The following PPP1R12A variants were observed in gnomAD, a reference collection of about 807,000 sequenced individuals.
PPP1R12A encodes protein phosphatase 1 regulatory subunit 12A, also known as myosin binding subunit.
In PPP1R12A, 19 loss-of-function variants were observed where a neutral mutation model predicts 139.6. That is an observed-to-expected ratio of 0.14 (90% CI 0.09 to 0.20). The LOEUF (loss-of-function observed/expected upper bound fraction) is 0.20. Among genes scored for constraint, PPP1R12A ranks in the 10% least tolerant of loss-of-function variants. PPP1R12A has a pLI of 1.00. For synonymous variants in PPP1R12A, 427 were observed against 420.6 expected, an observed-to-expected ratio of 1.02 and a Z score of -0.19; for missense variants, 925 against 1,211.5, an observed-to-expected ratio of 0.76 and a Z score of 3.51.
rs555107695 is a variant in PPP1R12A at position 79,821,111 on chromosome 12, A to G, written c.923T>C (p.Met308Thr). 3.1e-6 allele frequency: 5 copies of G among 1,613,158 alleles called. No homozygotes were observed. Among genetic ancestry groups the G allele is most frequent in the East Asian group, 2.2e-5 (1 of 44,800 alleles). Residue 308 changes from methionine to threonine, a missense_variant, in exon 7 of 25, where the codon ATG becomes ACG. Around this residue, in one of 4 missense-constraint regions of PPP1R12A, gnomAD observed 403 missense variants for 463.7 expected, o/e 0.87. Transcript: ENST00000450142. ...KSPLIESTAN[M>T]DNNQSQKTFK... ...GGTCTTCTGTGACTGATTATTGTCC[A>G]TATTTGCTGTTGATTCAATTAGTGG...
chr12:79,837,893 G>A lies in PPP1R12A; in HGVS notation c.488-5402C>T, dbSNP rs576620577. Among the ~76,000 whole-genome samples, 262 of 152,192 alleles carry A rather than the reference G, an allele frequency of 1.7e-3. 3 individuals are homozygous for A. Among genetic ancestry groups the A allele is most frequent in the African/African-American group, 5.5e-3 (228 of 41,506 alleles). On this transcript the variant is annotated intron_variant, in intron 3 of 24. Transcript: ENST00000450142. ...TTTCCTTTATAAATTACCCACTCTC[G>A]GGTACTTTTTCATAGCAGCATGAGA... is the stretch of plus-strand genomic sequence containing the variant.
intron 1 of PPP1R12A, among the ~76,000 whole-genome samples, chr12:79,907,550 TCTACA>T (rs1886229212): frequency 1.3e-5 from 2 of 152,216 alleles, no homozygotes; most frequent in South Asian, 4.1e-4. Flanking sequence ...GAAAGTTCAC[TCTACA>T]ATTGCCTACT....
chr12:79,931,516 C>G (rs1888251218), intron 1 of PPP1R12A, among the ~76,000 whole-genome samples: 1 of 152,162 alleles, frequency 6.6e-6, no homozygotes, highest in South Asian at 2.1e-4. Context: ...AGAAAAATCT[C>G]AGCCCTGTAT....
chr12:79,863,651 A>G (rs1346945367), intron 2 of PPP1R12A, among the ~76,000 whole-genome samples: 1 of 142,542 alleles, frequency 7.0e-6, no homozygotes, highest in East Asian at 2.0e-4. Flanking sequence ...AAGCAAAAAA[A>G]AAAAAAAAAA....
At chr12:79,795,018 T>G (rs1452485043) in intron 18 of PPP1R12A, among the ~76,000 whole-genome samples, 1 of 152,096 alleles carries the variant, frequency 6.6e-6, no homozygotes, top group Non-Finnish European at 1.5e-5. Flanking sequence ...TTATTCATCA[T>G]TCTGAGTGGT....
At chr12:79,905,701 T>C (rs1220078315) in intron 1 of PPP1R12A, among the ~76,000 whole-genome samples, 2 of 152,232 alleles carry the variant, frequency 1.3e-5, no homozygotes, top group Non-Finnish European at 1.5e-5. Flanking sequence ...TCTTAACCCA[T>C]GTATGTATTT....
intron 1 of PPP1R12A, among the ~76,000 whole-genome samples, chr12:79,898,899 T>A (rs1028547942): frequency 6.6e-6 from 1 of 152,212 alleles, no homozygotes; most frequent in African/African-American, 2.4e-5. Context: ...TTCCTTATGC[T>A]ACCTTCCATA....
intron 2 of PPP1R12A, among the ~76,000 whole-genome samples, chr12:79,871,123 G>C (rs1477109086): frequency 6.6e-6 from 1 of 152,148 alleles, no homozygotes; most frequent in Admixed American, 6.5e-5. Flanking sequence ...AGAAAAAACT[G>C]AAAGATTCCA....
chr12:79,799,096 A>G (rs1047967511), intron 14 of PPP1R12A, among the ~76,000 whole-genome samples: 1 of 152,064 alleles, frequency 6.6e-6, no homozygotes, highest in Non-Finnish European at 1.5e-5. Context: ...TACCTACAGT[A>G]TTTTCAAATA....
intron 1 of PPP1R12A, among the ~76,000 whole-genome samples, chr12:79,919,551 T>A (rs1442565569): frequency 2.1e-5 from 3 of 145,876 alleles, no homozygotes; most frequent in African/African-American, 7.7e-5. Flanking sequence ...TGAGACTCCA[T>A]CTCAAAAAAA....
chr12:79,860,565 G>C (rs1352912891), intron 2 of PPP1R12A, among the ~76,000 whole-genome samples: 2 of 152,228 alleles, frequency 1.3e-5, no homozygotes, highest in African/African-American at 4.8e-5. Flanking sequence ...AAAAGATGGG[G>C]GGATTAATAC....
At chr12:79,903,699 G>A (rs899146615) in intron 1 of PPP1R12A, among the ~76,000 whole-genome samples, 1 of 151,934 alleles carries the variant, frequency 6.6e-6, no homozygotes, top group Non-Finnish European at 1.5e-5. Context: ...TCCATGTCTC[G>A]CTTTCTAGTT....
In PPP1R12A at chr12:79,774,961, C is replaced by CTT. The variant is rs1417787171; in HGVS notation, c.*966_*967dup. On this transcript the variant is annotated 3_prime_UTR_variant, in exon 25 of 25. Coordinates refer to ENST00000450142, the MANE Select transcript of PPP1R12A (RefSeq NM_002480.3). The stretch of plus-strand genomic sequence containing the variant: ...CCACATAATGTGTAACTTTTAAAGT[C>CTT]TTTATATCACATTGTTAGCAAATTT... 20 of 152,384 alleles carry CTT rather than the reference C, an allele frequency of 1.3e-4. No homozygotes were observed. In the East Asian group the frequency reaches 3.7e-3, roughly 28 times the overall value. 9.4% of individuals were successfully genotyped at this position (152,384 alleles called of 1,614,324 possible).
chr12:79,889,278 A>G (rs1884381001), intron 1 of PPP1R12A, among the ~76,000 whole-genome samples: 1 of 152,214 alleles, frequency 6.6e-6, no homozygotes, highest in South Asian at 2.1e-4. Context: ...ATAAGGGAGT[A>G]GGAAATAGAG....
chr12:79,832,329 T>C lies in PPP1R12A; in HGVS notation c.647+3A>G. On this transcript the variant is annotated splice_donor_region_variant and intron_variant, in intron 4 of 24. Transcript: ENST00000450142. ...GAAAAACTCTGTAAAAAACAATACT[T>C]ACTTTAAAACTTCCGTATAGCCTTT... is the stretch of plus-strand genomic sequence containing the variant. 1 of 1,592,586 alleles carries C rather than the reference T, an allele frequency of 6.3e-7. No individual in the cohort carries two copies. The highest frequency in any genetic ancestry group is 8.5e-7 in the Non-Finnish European group (1 of 1,173,304).
intron 3 of PPP1R12A, among the ~76,000 whole-genome samples, chr12:79,837,088 T>C (rs1174224200): frequency 2.0e-5 from 3 of 152,202 alleles, no homozygotes; most frequent in African/African-American, 7.2e-5. Context: ...GCTTCTCTTT[T>C]CTTGATTTCT....
At chr12:79,910,557 A>AC (rs1886487599) in intron 1 of PPP1R12A, among the ~76,000 whole-genome samples, 2 of 151,778 alleles carry the variant, frequency 1.3e-5, no homozygotes, top group African/African-American at 4.8e-5. Context: ...TTAAAAAAAA[A>AC]AACTTTTCCA....
chr12:79,823,952 A>G (rs1876456348), intron 5 of PPP1R12A: 1 of 152,232 alleles, frequency 6.6e-6, no homozygotes, highest in South Asian at 2.1e-4. Context: ...GTATGTATAT[A>G]AATTTACAAG....
At chr12:79,829,378 C>A (rs1370456640) in intron 4 of PPP1R12A, among the ~76,000 whole-genome samples, 2 of 152,024 alleles carry the variant, frequency 1.3e-5, no homozygotes, top group African/African-American at 4.8e-5. Flanking sequence ...TGTATAATCC[C>A]CCTTTATTTA....
Sources: gnomAD v4.1 joint callset for allele counts (sites outside exome capture counted in the v4.1 genomes callset) on GRCh38, gnomAD v4.1.1 for gene constraint, gnomAD v4.1.1 regional missense constraint, MANE v1.5 for transcripts, NCBI Gene and HGNC (gene_info 2026-07-23, HGNC 2026-07-21) for gene names.